The following FAM171A1 variants were observed in gnomAD, a reference collection of about 807,000 sequenced individuals.
FAM171A1 encodes the protein family with sequence similarity 171 member A1.
In FAM171A1, 23 loss-of-function variants were observed where a neutral mutation model predicts 74.9. That is an observed-to-expected ratio of 0.31 (90% CI 0.22 to 0.44). The LOEUF (loss-of-function observed/expected upper bound fraction) is 0.44, where lower values mean the gene tolerates loss of function less well. FAM171A1 is among the 20% of genes least tolerant of loss of function. The pLI is 1.00. For missense variants in FAM171A1, 1,162 were observed against 1,159.2 expected (o/e 1.00, Z -0.03); for synonymous variants, 527 against 505.7 (o/e 1.04, Z -0.57).
intron 1 of FAM171A1, among the ~76,000 whole-genome samples, chr10:15,355,005 G>A (rs762143624): frequency 6.6e-6 from 1 of 152,222 alleles, no homozygotes; most frequent in Non-Finnish European, 1.5e-5. Context: ...TTGAAGAAAT[G>A]AGTCAATACA....
At chr10:15,366,396 A>T (rs1588574349) in intron 1 of FAM171A1, among the ~76,000 whole-genome samples, 1 of 152,254 alleles carries the variant, frequency 6.6e-6, no homozygotes, top group African/African-American at 2.4e-5. Flanking sequence ...CTGGGATTAC[A>T]GGCATAAGCC....
At chr10:15,320,451 T>C (rs150235054) in intron 1 of FAM171A1, among the ~76,000 whole-genome samples, 547 of 152,358 alleles carry the variant, frequency 3.6e-3, no homozygotes, top group African/African-American at 0.012. Flanking sequence ...TGTCTCTTTA[T>C]GGCAGAACGA....
At position 15,248,928 on chromosome 10, in the gene FAM171A1, T is replaced by A. The variant is rs528235922; in HGVS notation, c.578-113A>T. The A allele has an allele frequency of 1.4e-5, 13 of 950,048 alleles. No individual in the cohort carries two copies. In the South Asian group the frequency reaches 2.0e-4, roughly 15 times the overall value. The allele number at this position is 950,048 out of a possible 1,614,324, so 58.9% of individuals were successfully genotyped here. A position where few individuals can be genotyped will look rare whatever the true frequency, so the allele number is the denominator to read the frequency against. The stretch of plus-strand genomic sequence containing the variant: ...CCATTACCTCCTATATGCCAGGGAC[T>A]GCATGAAGCACTTTACATACATAAT... On this transcript the variant is annotated intron_variant, in intron 4 of 7. Transcript: ENST00000378116.
At chr10:15,372,088 T>C (rs1429246705), upstream of FAM171A1, among the ~76,000 whole-genome samples, 1 of 152,116 alleles carries the variant, frequency 6.6e-6, no homozygotes, top group East Asian at 1.9e-4. Context: ...TGATCAGATA[T>C]CCAGGGTGGA....
intron 1 of FAM171A1, among the ~76,000 whole-genome samples, chr10:15,323,467 T>C (rs796417810): frequency 1.3e-5 from 2 of 151,966 alleles, no homozygotes; most frequent in South Asian, 2.1e-4. Context: ...AATAAATACA[T>C]ACATAAATAA....
intron 1 of FAM171A1, among the ~76,000 whole-genome samples, chr10:15,356,722 G>C (rs1835936585): frequency 6.6e-6 from 1 of 152,156 alleles, no homozygotes; most frequent in Non-Finnish European, 1.5e-5. Flanking sequence ...TGTAATCCCA[G>C]CACTCTGGGG....
At chr10:15,252,724 G>C (rs1184410526) in intron 4 of FAM171A1, among the ~76,000 whole-genome samples, 2 of 152,192 alleles carry the variant, frequency 1.3e-5, no homozygotes, top group Non-Finnish European at 2.9e-5. Flanking sequence ...CCGTGGAAGA[G>C]AAATTTCATG....
intron 1 of FAM171A1, among the ~76,000 whole-genome samples, chr10:15,356,245 C>T (rs577722703): frequency 2.7e-4 from 41 of 149,572 alleles, no homozygotes; most frequent in African/African-American, 9.0e-4. Flanking sequence ...TACATACATA[C>T]ATATATATAT....
At chr10:15,246,381 C>T (rs1159949581) in intron 5 of FAM171A1, among the ~76,000 whole-genome samples, 1 of 152,140 alleles carries the variant, frequency 6.6e-6, no homozygotes, top group Non-Finnish European at 1.5e-5. Context: ...ACAGGCGTTT[C>T]TTTTAAAATA....
chr10:15,281,957 T>C (rs1039892064), intron 2 of FAM171A1, among the ~76,000 whole-genome samples: 1 of 152,372 alleles, frequency 6.6e-6, no homozygotes, highest in Non-Finnish European at 1.5e-5. Flanking sequence ...GTGTAGTAGC[T>C]GCTCATTATT....
Position 15,371,020 on chromosome 10 carries a change from C to T in FAM171A1, c.33G>A (p.Leu11=), listed in dbSNP as rs1274518514. The T allele has an allele frequency of 3.4e-6, 4 of 1,184,612 alleles. No homozygotes were observed. Among genetic ancestry groups the T allele is most frequent in the Admixed American group, 6.0e-5 (2 of 33,564 alleles). 73.4% of individuals were successfully genotyped at this position (1,184,612 alleles called of 1,614,324 possible). A position where few individuals can be genotyped will look rare whatever the true frequency, so the allele number is the denominator to read the frequency against. ...CCGCCTTCCAGACGTGGCAGCCCAG[C>T]AGGCACAGCAGCAGCGTCGCGGACC... MSRSATLLLC[L]LGCHVWKAVT... Residue 11 remains leucine (L), a synonymous_variant, in exon 1 of 8, where the codon CTG becomes CTA. Coordinates refer to ENST00000378116, the MANE Select transcript of FAM171A1 (RefSeq NM_001010924.2).
At chr10:15,302,505 CA>C (rs201888011) in intron 1 of FAM171A1, among the ~76,000 whole-genome samples, 30,211 of 116,340 alleles carry the variant, frequency 0.26, 2,952 homozygotes, top group Middle Eastern at 0.31. Context: ...AACCCAAAAC[CA>C]AAAAAAAAAA....
chr10:15,326,612 C>T (rs561200311), intron 1 of FAM171A1, among the ~76,000 whole-genome samples: 1 of 151,802 alleles, frequency 6.6e-6, no homozygotes, highest in African/African-American at 2.4e-5. Context: ...CCACACCCAG[C>T]TAGGTTTCTT....
chr10:15,283,923 C>T lies in FAM171A1; in HGVS notation c.280G>A (p.Ala94Thr), dbSNP rs766952553. The part of the protein sequence containing the change: ...SQLIVTASKH[A>T]YVPNSAPWKP... ...CATGGGGCAGAGTTTGGCACGTAGGCATGCTTCGAGGCGGTGACAATCAAC... is the reference window on the plus strand; with the variant it reads ...CATGGGGCAGAGTTTGGCACGTAGGTATGCTTCGAGGCGGTGACAATCAAC... The change falls in exon 2 of 8, where the codon GCC becomes ACC. Residue 94 changes from alanine (A) to threonine (T), a missense_variant. Transcript: ENST00000378116. 2 of 1,614,148 alleles carry T rather than the reference C, an allele frequency of 1.2e-6. No individual in the cohort carries two copies. Among genetic ancestry groups the T allele is most frequent in the Non-Finnish European group, 8.5e-7 (1 of 1,180,036 alleles).
intron 5 of FAM171A1, among the ~76,000 whole-genome samples, chr10:15,224,887 C>G (rs1423674997): frequency 6.6e-6 from 1 of 152,200 alleles, no homozygotes; most frequent in Non-Finnish European, 1.5e-5. Flanking sequence ...TCACAATGCA[C>G]ACCTCTACCC....
At chr10:15,351,652 G>GCATGCACGGATGCATGGATGGATGC (rs1564288249) in intron 1 of FAM171A1, among the ~76,000 whole-genome samples, 2 of 151,278 alleles carry the variant, frequency 1.3e-5, no homozygotes, top group Admixed American at 6.6e-5. Flanking sequence ...TGGATGGATG[G>GCATGCACGGATGCATGGATGGATGC]ATGCATGCAC....
chr10:15,347,558 C>T (rs1835830382), intron 1 of FAM171A1, among the ~76,000 whole-genome samples: 1 of 151,856 alleles, frequency 6.6e-6, no homozygotes, highest in Non-Finnish European at 1.5e-5. Context: ...CAGAATTCGG[C>T]CGGGTGCAGT....
In FAM171A1 at chr10:15,235,892, A is replaced by C. The variant is rs558455308; in HGVS notation, c.754+12747T>G. Among the ~76,000 whole-genome samples the C allele has an allele frequency of 2.3e-3, 347 of 152,254 alleles. 3 individuals carry two copies. The highest frequency in any genetic ancestry group is 7.6e-3 in the African/African-American group (317 of 41,570). ...ATACCTGGAACCTTCATCTCTCCCC[A>C]GTACCCATCCTCGGGGTCCTCACCT... On this transcript the variant is annotated intron_variant, in intron 5 of 7. Coordinates refer to ENST00000378116, the MANE Select transcript of FAM171A1 (RefSeq NM_001010924.2).
At chr10:15,283,210 G>A (rs1055500233) in intron 2 of FAM171A1, among the ~76,000 whole-genome samples, 14 of 152,102 alleles carry the variant, frequency 9.2e-5, no homozygotes, top group African/African-American at 2.4e-4. Flanking sequence ...TTAGGAAAAC[G>A]TGGTGTGGCC....
Sources: allele counts gnomAD v4.1 joint callset (sites outside exome capture counted in the v4.1 genomes callset), GRCh38; gene constraint gnomAD v4.1.1; transcripts MANE v1.5; gene names NCBI Gene and HGNC (gene_info 2026-07-23, HGNC 2026-07-21).